Variants in SCN1B observed in about 807,000 individuals in gnomAD.
The protein encoded by SCN1B is sodium channel regulatory subunit beta-1.
Under a neutral mutation model 25.7 loss-of-function variants are expected in SCN1B, and 11 were observed. That is an observed-to-expected ratio of 0.43 (90% CI 0.27 to 0.71). SCN1B has a LOEUF of 0.71. SCN1B is among the 30% of genes least tolerant of loss of function. The pLI, the probability that SCN1B is intolerant of heterozygous loss-of-function variation, is 0.21. For missense variants in SCN1B, 224 were observed against 291.5 expected, an observed-to-expected ratio of 0.77 and a Z score of 1.69; for synonymous variants, 119 against 117.5, an observed-to-expected ratio of 1.01 and a Z score of -0.08.
In SCN1B at chr19:35,039,944, C is replaced by T; in HGVS notation, c.*153C>T. 1.7e-6 allele frequency: 1 copy of T among 581,654 alleles called. No individual in the cohort carries two copies. Among genetic ancestry groups the T allele is most frequent in the Non-Finnish European group, 3.1e-6 (1 of 326,002 alleles). The allele number at this position is 581,654 out of a possible 1,614,324, so 36.0% of individuals were successfully genotyped here. A position where few individuals can be genotyped will look rare whatever the true frequency, so the allele number is the denominator to read the frequency against. ...CACTGGGGTGGGAGGGGGCAGGGGG[C>T]TTGGCTCGCACCCCCACTTTCGCCT... On this transcript the variant is annotated 3_prime_UTR_variant, in exon 6 of 6. Coordinates refer to ENST00000262631, the MANE Select transcript of SCN1B (RefSeq NM_001037.5).
rs104894718 is a variant in SCN1B at position 35,033,654 on chromosome 19, C to G, written c.363C>G (p.Cys121Trp). 169 of 1,614,076 alleles carry G rather than the reference C, an allele frequency of 1.0e-4. No homozygotes were observed. The highest frequency in any genetic ancestry group is 1.4e-4 in the Non-Finnish European group (168 of 1,180,044). ...VTYNHSGDYE[C>W]HVYRLLFFEN... The stretch of plus-strand genomic sequence containing the variant: ...ACAACCACTCGGGCGACTACGAGTG[C>G]CACGTCTACCGCCTGCTCTTCTTCG... Residue 121 changes from cysteine to tryptophan, a missense_variant, in exon 3 of 6, where the codon TGC becomes TGG. By Grantham distance (215) the Cys-to-Trp change is radical. Coordinates refer to ENST00000262631, the MANE Select transcript of SCN1B (RefSeq NM_001037.5).
At chr19:35,039,519 C>G in intron 4 of SCN1B, 116 bp from the exon 5 acceptor site, 1 of 1,108,332 alleles carries the variant, frequency 9.0e-7, no homozygotes, top group Non-Finnish European at 1.4e-6. Flanking sequence ...GACTCCTTCT[C>G]TCTCTAACTA....
Position 35,032,364 on chromosome 19 carries a change from G to T in SCN1B, c.41-164G>T, listed in dbSNP as rs138759136. Among the ~76,000 whole-genome samples the T allele has an allele frequency of 1.3e-4, 20 of 152,384 alleles. No individual in the cohort carries two copies. Among genetic ancestry groups the T allele is most frequent in the African/African-American group, 4.8e-4 (20 of 41,594 alleles). ...AGAGAGAGGGAAACTGAGACTCAGG[G>T]ATGAATGACTTGCTGAGGTCACGCA... On this transcript the variant is annotated intron_variant, in intron 1 of 5. Transcript: ENST00000262631. The surrounding 1 kb of genome is among the most constrained non-coding windows in gnomAD (Gnocchi z 4.3).
In SCN1B at chr19:35,037,350, G is replaced by A. The variant is rs1296333996; in HGVS notation, c.449-1767G>A. ...TGCCTTGAGGCACAGCAGCGTCTGA[G>A]GCGGGTGAGAAATCCGGCCTGCAGA... On this transcript the variant is annotated intron_variant, in intron 3 of 5. Coordinates refer to ENST00000262631, the MANE Select transcript of SCN1B (RefSeq NM_001037.5). 4 of 152,232 alleles carry A rather than the reference G, an allele frequency of 2.6e-5. No individual in the cohort carries two copies. In the East Asian group the frequency reaches 7.7e-4, roughly 29 times the overall value. 9.4% of individuals were successfully genotyped at this position (152,232 alleles called of 1,614,324 possible).
In SCN1B at chr19:35,040,375, C is replaced by A. The variant is rs2064281310; in HGVS notation, c.*584C>A. On this transcript the variant is annotated 3_prime_UTR_variant, in exon 6 of 6. Coordinates refer to ENST00000262631, the MANE Select transcript of SCN1B (RefSeq NM_001037.5). ...CTCACCAGCCTTGAACTGTGGCCACCTAGAAAGGGGCCCATTCAGCCTCGT... is the reference window on the plus strand; with the variant it reads ...CTCACCAGCCTTGAACTGTGGCCACATAGAAAGGGGCCCATTCAGCCTCGT... The A allele has an allele frequency of 1.3e-5, 2 of 154,720 alleles. No homozygotes were observed. Among genetic ancestry groups the A allele is most frequent in the African/African-American group, 4.8e-5 (2 of 41,478 alleles). 9.6% of individuals were successfully genotyped at this position (154,720 alleles called of 1,614,324 possible).
chr19:35,031,269 A>G (rs1313636027), intron 1 of SCN1B: 1 of 151,692 alleles, frequency 6.6e-6, no homozygotes, highest in Non-Finnish European at 1.5e-5. Context: ...GGGGCGAGAG[A>G]CAGAGAAGGA....
At chr19:35,035,696 C>G (rs1210725381) in intron 3 of SCN1B, 1 of 152,182 alleles carries the variant, frequency 6.6e-6, no homozygotes, top group Non-Finnish European at 1.5e-5. Flanking sequence ...GTTGGCCCTG[C>G]AGAGTTTGTG....
At position 35,032,551 on chromosome 19, in the gene SCN1B, G is replaced by A. The variant is rs745578106; in HGVS notation, c.64G>A (p.Val22Met). 10 of 1,613,888 alleles carry A rather than the reference G, an allele frequency of 6.2e-6. No individual in the cohort carries two copies. The highest frequency in any genetic ancestry group is 2.7e-5 in the African/African-American group (2 of 74,946). ...ALVSSACGGC[V>M]EVDSETEAVY... is the part of the protein sequence containing the mutation. ...AGTGTCCTCAGCCTGCGGGGGCTGCGTGGAGGTGGACTCGGAGACCGAGGC... is the reference window on the plus strand; with the variant it reads ...AGTGTCCTCAGCCTGCGGGGGCTGCATGGAGGTGGACTCGGAGACCGAGGC... The change falls in exon 2 of 6, where the codon GTG (valine) becomes ATG (methionine). Residue 22 changes from valine to methionine, a missense_variant. By Grantham distance (21) the Val-to-Met change is conservative. Coordinates refer to ENST00000262631, the MANE Select transcript of SCN1B (RefSeq NM_001037.5). The surrounding 1 kb of genome is among the most constrained non-coding windows in gnomAD (Gnocchi z 4.3).
chr19:35,034,495 G>A (rs2064236502), intron 3 of SCN1B: 6 of 242,090 alleles, frequency 2.5e-5, no homozygotes, highest in South Asian at 2.3e-4. Context: ...AGGGAGGTCC[G>A]CCCCTTCTCT....
At chr19:35,036,938 G>C (rs2064251964) in intron 3 of SCN1B, 1 of 151,942 alleles carries the variant, frequency 6.6e-6, no homozygotes, top group Admixed American at 6.6e-5. Context: ...TGTATTTTTA[G>C]TAGAGACAGG....
intron 3 of SCN1B, chr19:35,034,105 C>T: frequency 1.3e-6 from 2 of 1,551,678 alleles, no homozygotes; most frequent in Non-Finnish European, 1.7e-6. Context: ...TTGAGCCATT[C>T]TTCCATCATG....
intron 3 of SCN1B, chr19:35,038,734 A>G (rs2064263337): frequency 3.0e-6 from 1 of 338,720 alleles, no homozygotes; most frequent in African/African-American, 2.1e-5. Context: ...TTTAATTCTC[A>G]CAGCACTCTG....
At chr19:35,037,330 T>G (rs1164189943) in intron 3 of SCN1B, 1 of 152,156 alleles carries the variant, frequency 6.6e-6, no homozygotes, top group African/African-American at 2.4e-5. Context: ...GAAAATGCCT[T>G]GAGGCACAGC....
intron 3 of SCN1B, 177 bp from the exon 4 acceptor site, chr19:35,038,940 G>A (rs2064264887): frequency 5.6e-6 from 4 of 713,180 alleles, no homozygotes; most frequent in South Asian, 4.5e-5. Flanking sequence ...TACACAGGGA[G>A]GCAGGTTGAG....
intron 3 of SCN1B, chr19:35,038,834 G>A (rs1198493887): frequency 8.2e-6 from 4 of 485,828 alleles, no homozygotes; most frequent in Non-Finnish European, 7.6e-6. Context: ...GCCAGTGGCA[G>A]AGCCAGCCTT....
chr19:35,039,827 C>G lies in SCN1B; in HGVS notation c.*36C>G. On this transcript the variant is annotated 3_prime_UTR_variant, in exon 6 of 6. Coordinates refer to ENST00000262631, the MANE Select transcript of SCN1B (RefSeq NM_001037.5). ...GGGCCCCGCCTCAAGGAAGAGCCAGCCGTAATGGGGACTCTCCAGGCACCG... is the reference window on the plus strand; with the variant it reads ...GGGCCCCGCCTCAAGGAAGAGCCAGGCGTAATGGGGACTCTCCAGGCACCG... 9.8e-7 allele frequency: 1 copy of G among 1,023,524 alleles called. No individual in the cohort carries two copies. Among genetic ancestry groups the G allele is most frequent in the East Asian group, 2.6e-5 (1 of 38,494 alleles). 63.4% of individuals were successfully genotyped at this position (1,023,524 alleles called of 1,614,324 possible).
chr19:35,037,782 C>T (rs1463882340), intron 3 of SCN1B: 2 of 108,742 alleles, frequency 1.8e-5, no homozygotes, highest in Non-Finnish European at 3.9e-5. Flanking sequence ...CTCATCTCTA[C>T]CAAAAAAAAA....
chr19:35,038,883 G>A lies in SCN1B; in HGVS notation c.449-234G>A, dbSNP rs2064264518. 5.4e-6 allele frequency: 3 copies of A among 557,296 alleles called. No individual in the cohort carries two copies. The Admixed American group carries it at 8.0e-5, about 15-fold the overall frequency. 34.5% of individuals were successfully genotyped at this position (557,296 alleles called of 1,614,324 possible). On this transcript the variant is annotated intron_variant, in intron 3 of 5. Coordinates refer to ENST00000262631, the MANE Select transcript of SCN1B (RefSeq NM_001037.5). Reference sequence around the variant, plus strand: ...TCTGGTTGCAGAGCTACGGCTTTTAGGCACCGTGCTGAGGGCCTCCAGAAT... The same window carrying A: ...TCTGGTTGCAGAGCTACGGCTTTTAAGCACCGTGCTGAGGGCCTCCAGAAT...
intron 3 of SCN1B, chr19:35,034,088 G>T (rs765180127): frequency 1.9e-6 from 3 of 1,551,598 alleles, no homozygotes; most frequent in African/African-American, 2.7e-5. Flanking sequence ...GTTTCTCGGG[G>T]TGTGGTTTGA....
Sources: gnomAD v4.1 joint callset for allele counts (sites outside exome capture counted in the v4.1 genomes callset) on GRCh38, gnomAD v4.1.1 for gene constraint, Gnocchi (gnomAD v3.1) non-coding constraint, MANE v1.5 for transcripts, NCBI Gene and HGNC (gene_info 2026-07-23, HGNC 2026-07-21) for gene names.